THOP1: variants seen among roughly 807,000 people sequenced by gnomAD.
THOP1 encodes thimet oligopeptidase.
Under a neutral mutation model 71.8 loss-of-function variants are expected in THOP1, and 49 were observed. The ratio of observed to expected loss-of-function variants is 0.68; its 90% CI spans 0.54 to 0.87. The LOEUF (loss-of-function observed/expected upper bound fraction) is 0.87, where lower values mean the gene tolerates loss of function less well. Ranked by LOEUF, THOP1 falls within the 40% of genes least tolerant of loss-of-function variation. The pLI is 0.00. For missense variants in THOP1, 843 were observed against 975.6 expected (o/e 0.86, Z 1.81); for synonymous variants, 426 against 421.5 (o/e 1.01, Z -0.13).
chr19:2,810,551 TGGCATGTGCCCCGGGTGGGGGTC>T (rs1455904967), intron 10 of THOP1, 61 bp downstream of exon 10: 1 of 1,525,786 alleles, frequency 6.6e-7, no homozygotes, highest in Non-Finnish European at 8.8e-7. Context: ...AGCTGGGGCC[TGGCATGTGCCCCGGGTGGGGGTC>T]GGAGCTCTGG....
intron 2 of THOP1, among the ~76,000 whole-genome samples, chr19:2,794,530 C>T (rs1405786916): frequency 1.3e-5 from 2 of 152,276 alleles, no homozygotes; most frequent in East Asian, 3.9e-4. Flanking sequence ...TATTTTTCTT[C>T]GGTCTGTAAG....
At chr19:2,799,475 C>G (rs371104962) in intron 4 of THOP1, among the ~76,000 whole-genome samples, 2 of 152,232 alleles carry the variant, frequency 1.3e-5, no homozygotes, top group South Asian at 4.1e-4. Context: ...GATGCCGCAG[C>G]TGGTGTTGAA....
chr19:2,807,474 G>A lies in THOP1; in HGVS notation c.919G>A (p.Glu307Lys). ...GGCGCAGAAGCTGAAGCCCCTGGGG[G>A]AGCAGGAGCGTGCGGTGATTCTGGA... ...ELAQKLKPLG[E>K]QERAVILELK... The change falls in exon 8 of 13, where the codon GAG (glutamate) becomes AAG (lysine). Residue 307 changes from glutamate (E) to lysine (K), a missense_variant. Glu to Lys is a moderately conservative substitution (Grantham distance 56). Transcript: ENST00000307741. 2 of 1,606,552 alleles carry A rather than the reference G, an allele frequency of 1.2e-6. No homozygotes were observed. Among genetic ancestry groups the A allele is most frequent in the East Asian group, 2.2e-5 (1 of 44,746 alleles).
chr19:2,805,205 A>C lies in THOP1; in HGVS notation c.750+29A>C, dbSNP rs1434551308. ...AGAAGGCACGGCCAGGGGGCCCCAG[A>C]ACAGTGGGTCTGGAGCTTGTGGGGC... On this transcript the variant is annotated intron_variant, in intron 6 of 12. Transcript: ENST00000307741. This position sits in a 1 kb window ranked among gnomAD's most constrained non-coding sequence, Gnocchi z 6.6. The C allele has an allele frequency of 3.1e-6, 5 of 1,598,650 alleles. No homozygotes were observed.
intron 5 of THOP1, among the ~76,000 whole-genome samples, chr19:2,802,342 C>G (rs1178908956): frequency 3.0e-5 from 4 of 134,468 alleles, no homozygotes; most frequent in Non-Finnish European, 6.4e-5. Flanking sequence ...CACCTCCCGA[C>G]ACCAACACCT....
At chr19:2,790,763 G>T in intron 2 of THOP1, 130 bp downstream of exon 2, 1 of 813,390 alleles carries the variant, frequency 1.2e-6, no homozygotes, top group Non-Finnish European at 1.8e-6. Context: ...CTGCCCCTGA[G>T]CACAGGGCAG....
intron 3 of THOP1, 198 bp from the exon 4 acceptor site, chr19:2,795,883 G>T: frequency 2.0e-6 from 1 of 499,224 alleles, no homozygotes; most frequent in South Asian, 2.0e-5. Context: ...TGTCAGTGTG[G>T]GGCTCTTCCA....
chr19:2,788,487 A>G (rs573013526), intron 1 of THOP1, among the ~76,000 whole-genome samples: 1 of 151,864 alleles, frequency 6.6e-6, no homozygotes, highest in East Asian at 1.9e-4. Flanking sequence ...CAGCCTGCCT[A>G]TTTTTTTTGA....
rs1192939500 is a variant in THOP1, at chr19:2,799,717, G to A, written c.515G>A (p.Ser172Asn). 5.0e-6 allele frequency: 8 copies of A among 1,613,826 alleles called. No individual in the cohort carries two copies. The highest frequency in any genetic ancestry group is 6.8e-6 in the Non-Finnish European group (8 of 1,179,956). ...ATCAAACGCATCAAGAAGAAGCTGA[G>A]CCTTCTGTGCATCGACTTCAACAAG... ...ENIKRIKKKL[S>N]LLCIDFNKNL... Residue 172 changes from serine to asparagine, a missense_variant, in exon 5 of 13, where the codon AGC (serine) becomes AAC (asparagine). Transcript: ENST00000307741.
intron 12 of THOP1, chr19:2,812,093 A>C (rs1448290340): frequency 1.6e-5 from 22 of 1,338,194 alleles, no homozygotes; most frequent in Non-Finnish European, 2.0e-5. Flanking sequence ...TTCCCATACG[A>C]GTCCTTCCGG....
At chr19:2,807,993 C>G (rs1009875783) in intron 8 of THOP1, 185 bp downstream of exon 8, 23 of 809,862 alleles carry the variant, frequency 2.8e-5, no homozygotes, top group Non-Finnish European at 3.7e-5. Flanking sequence ...CGTTTCCAGT[C>G]TCACTCAGCC....
chr19:2,795,003 T>C (rs1428342218), intron 3 of THOP1, 91 bp downstream of exon 3: 3 of 1,470,042 alleles, frequency 2.0e-6, no homozygotes, highest in East Asian at 2.4e-5. Context: ...TTTGTATTTT[T>C]AGTAGAGACG....
rs1197983207 is a variant in THOP1, at chr19:2,815,540, A to G, written c.*2264A>G. On this transcript the variant is annotated 3_prime_UTR_variant, in exon 13 of 13. Coordinates refer to ENST00000307741, the MANE Select transcript of THOP1 (RefSeq NM_003249.5). The stretch of plus-strand genomic sequence containing the variant: ...TCCCCAGGGAGCTGGGCGTCCTCAG[A>G]GCCTTCCCAAATGCCCACACCGGGG... 1 of 152,514 alleles carries G rather than the reference A, an allele frequency of 6.6e-6. No individual in the cohort carries two copies. Among genetic ancestry groups the G allele is most frequent in the African/African-American group, 2.4e-5 (1 of 41,466 alleles). The allele number at this position is 152,514 out of a possible 1,614,324, so 9.4% of individuals were successfully genotyped here.
At position 2,804,908 on chromosome 19, in the gene THOP1, C is replaced by G. The variant is rs953350740; in HGVS notation, c.590-108C>G. Reference sequence around the variant, plus strand: ...GGCTGCAGCTGCTCGCTGAGGGCCCCCTTGTAGCTTTCCAGGCAGAGGGGA... The same window carrying G: ...GGCTGCAGCTGCTCGCTGAGGGCCCGCTTGTAGCTTTCCAGGCAGAGGGGA... On this transcript the variant is annotated intron_variant, in intron 5 of 12. Coordinates refer to ENST00000307741, the MANE Select transcript of THOP1 (RefSeq NM_003249.5). This position sits in a 1 kb window ranked among gnomAD's most constrained non-coding sequence, Gnocchi z 4.7. The G allele has an allele frequency of 1.5e-5, 18 of 1,189,568 alleles. No homozygotes were observed. Among genetic ancestry groups the G allele is most frequent in the Non-Finnish European group, 2.1e-5 (18 of 869,042 alleles). The allele number at this position is 1,189,568 out of a possible 1,614,324, so 73.7% of individuals were successfully genotyped here.
intron 9 of THOP1, 50 bp downstream of exon 9, chr19:2,808,494 G>T: frequency 1.3e-6 from 2 of 1,523,446 alleles, no homozygotes; most frequent in Middle Eastern, 1.9e-4. Context: ...GGCAGGGGCT[G>T]CCTGTGGTCA....
At chr19:2,800,130 C>G (rs1321542058) in intron 5 of THOP1, among the ~76,000 whole-genome samples, 2 of 152,210 alleles carry the variant, frequency 1.3e-5, no homozygotes, top group Non-Finnish European at 2.9e-5. Flanking sequence ...CTGAGGGAAC[C>G]ACAATTTTCC....
At chr19:2,808,196 G>A (rs1164612783) in intron 8 of THOP1, 47 bp from the exon 9 acceptor site, 2 of 1,532,776 alleles carry the variant, frequency 1.3e-6, no homozygotes, top group South Asian at 2.4e-5. Context: ...AGGGACTCTT[G>A]CGGTGTCTCT....
At chr19:2,786,946 T>G in intron 1 of THOP1, 4 of 151,896 alleles carry the variant, frequency 2.6e-5, no homozygotes, top group Non-Finnish European at 5.9e-5. Flanking sequence ...TTTGTATTTT[T>G]AGTAGAGACG....
intron 2 of THOP1, among the ~76,000 whole-genome samples, chr19:2,793,801 C>G (rs544075676): frequency 6.6e-6 from 1 of 152,340 alleles, no homozygotes; most frequent in South Asian, 2.1e-4. Context: ...GAGCCTCATT[C>G]CTTTTCATGG....
Sources: gnomAD v4.1 joint callset for allele counts (sites outside exome capture counted in the v4.1 genomes callset) on GRCh38, gnomAD v4.1.1 for gene constraint, Gnocchi (gnomAD v3.1) non-coding constraint, MANE v1.5 for transcripts, NCBI Gene and HGNC (gene_info 2026-07-23, HGNC 2026-07-21) for gene names.